Variants in GALNTL6 observed in about 807,000 individuals in gnomAD.
GALNTL6 encodes polypeptide N-acetylgalactosaminyltransferase like 6, also known as polypeptide N-acetylgalactosaminyltransferase-like 6.
In GALNTL6, 46 loss-of-function variants were observed where a neutral mutation model predicts 73.7. That is an observed-to-expected ratio of 0.62 (90% CI 0.49 to 0.80). GALNTL6 has a LOEUF of 0.80. Ranked by LOEUF, GALNTL6 falls within the 30% of genes least tolerant of loss-of-function variation. The pLI is 0.00. For missense variants in GALNTL6, 604 were observed against 755.0 expected, an observed-to-expected ratio of 0.80 and a Z score of 2.34; for synonymous variants, 259 against 263.7, an observed-to-expected ratio of 0.98 and a Z score of 0.17.
At chr4:172,289,678 T>C (rs780917944) in intron 3 of GALNTL6, among the ~76,000 whole-genome samples, 6 of 152,192 alleles carry the variant, frequency 3.9e-5, no homozygotes, top group Non-Finnish European at 8.8e-5. Context: ...ACTCTCAAAA[T>C]ATCCACTGCA....
chr4:172,721,935 A>C (rs1427312837), intron 5 of GALNTL6, among the ~76,000 whole-genome samples: 1 of 152,028 alleles, frequency 6.6e-6, no homozygotes, highest in Non-Finnish European at 1.5e-5. Context: ...TGCTAAATAG[A>C]AGAATTTTGT....
At chr4:172,604,158 G>A (rs1738172477) in intron 5 of GALNTL6, among the ~76,000 whole-genome samples, 1 of 152,158 alleles carries the variant, frequency 6.6e-6, no homozygotes, top group Non-Finnish European at 1.5e-5. Flanking sequence ...GATGAAAAGT[G>A]TGTAAACTGG....
intron 5 of GALNTL6, among the ~76,000 whole-genome samples, chr4:172,726,457 AGAGCTTGGCTGCC>A: frequency 6.6e-6 from 1 of 152,318 alleles, no homozygotes; most frequent in South Asian, 2.1e-4. Context: ...TCCTGCAAGG[AGAGCTTGGCTGCC>A]TTCAGCCAAG....
At chr4:172,399,958 C>G (rs192199074) in intron 5 of GALNTL6, among the ~76,000 whole-genome samples, 1 of 152,144 alleles carries the variant, frequency 6.6e-6, no homozygotes, top group African/African-American at 2.4e-5. Context: ...TCTACTCCTA[C>G]GCCATTTGTT....
At chr4:172,990,224 C>G (rs780540364) in intron 10 of GALNTL6, among the ~76,000 whole-genome samples, 5 of 152,160 alleles carry the variant, frequency 3.3e-5, no homozygotes, top group Non-Finnish European at 7.3e-5. Flanking sequence ...GAAAGCAGAT[C>G]CTTATTGCAC....
In GALNTL6 at chr4:172,361,280, T is replaced by C. The variant is rs185418548; in HGVS notation, c.553+12591T>C. ...CTTACCAGTGTAGATCAAGAATGTG[T>C]CTTATTATTATTGAGTACTATGAAG... On this transcript the variant is annotated intron_variant, in intron 5 of 12. Coordinates refer to ENST00000506823, the MANE Select transcript of GALNTL6 (RefSeq NM_001034845.3). 6.4e-3 allele frequency among the ~76,000 whole-genome samples: 809 copies of C among 126,262 alleles called. 4 individuals carry two copies. The highest frequency in any genetic ancestry group is 0.01 in the Non-Finnish European group (589 of 58,710). The allele number at this position is 126,262 out of a possible 152,430, so 82.8% of individuals were successfully genotyped here.
At chr4:171,843,507 A>T (rs1242877338) in intron 2 of GALNTL6, among the ~76,000 whole-genome samples, 2 of 152,048 alleles carry the variant, frequency 1.3e-5, no homozygotes, top group African/African-American at 4.8e-5. Context: ...ATTCTTGTTT[A>T]TTTAGATTCT....
Position 172,543,099 on chromosome 4 carries a change from A to AC in GALNTL6, c.553+194410_553+194411insC, listed in dbSNP as rs1256604131. Among the ~76,000 whole-genome samples, 5 of 16,890 alleles carry AC rather than the reference A, an allele frequency of 3.0e-4. No individual in the cohort carries two copies. The Non-Finnish European group carries it at 0.013, about 44-fold the overall frequency. The allele number at this position is 16,890 out of a possible 152,430, so 11.1% of individuals were successfully genotyped here. A position where few individuals can be genotyped will look rare whatever the true frequency, so the allele number is the denominator to read the frequency against. ...TGACAGAGCGAGACTCCATCGCAAA[A>AC]GAAAAGGAACAGCTGTGCTATATAA... is the stretch of plus-strand genomic sequence containing the variant. On this transcript the variant is annotated intron_variant, in intron 5 of 12. Coordinates refer to ENST00000506823, the MANE Select transcript of GALNTL6 (RefSeq NM_001034845.3).
Position 172,963,430 on chromosome 4 carries a change from A to T in GALNTL6, c.1371+11172A>T, listed in dbSNP as rs76639393. On this transcript the variant is annotated intron_variant, in intron 10 of 12. Transcript: ENST00000506823. ...AAGCCATGTAATTTATTTTTTTATC[A>T]TGTTTCTCATCTATCTCTCCCACTA... Among the ~76,000 whole-genome samples, 639 of 152,230 alleles carry T rather than the reference A, an allele frequency of 4.2e-3. 13 individuals carry two copies. The highest frequency in any genetic ancestry group is 0.033 in the East Asian group (169 of 5,182).
chr4:172,232,935 G>A (rs993021203), intron 3 of GALNTL6, among the ~76,000 whole-genome samples: 21 of 151,978 alleles, frequency 1.4e-4, no homozygotes, highest in African/African-American at 3.4e-4. Flanking sequence ...TGACAAGCAC[G>A]TATCCTACAT....
At chr4:172,330,202 A>C (rs571739510) in intron 4 of GALNTL6, among the ~76,000 whole-genome samples, 1 of 152,294 alleles carries the variant, frequency 6.6e-6, no homozygotes, top group East Asian at 1.9e-4. Context: ...AGAAGCCCAG[A>C]GCTGGGAGCT....
chr4:172,058,113 G>GTTGTTTTGTTGTGTT (rs1553988695), intron 2 of GALNTL6, among the ~76,000 whole-genome samples: 20 of 146,380 alleles, frequency 1.4e-4, no homozygotes, highest in South Asian at 6.7e-4. Context: ...GGCTGAAGTG[G>GTTGTTTTGTTGTGTT]TTGTTTTGTT....
In GALNTL6 at chr4:171,853,012, A is replaced by ATTTTTT. The variant is rs765984611; in HGVS notation, c.138+38313_138+38318dup. 1.7e-3 allele frequency among the ~76,000 whole-genome samples: 147 copies of ATTTTTT among 86,826 alleles called. 2 individuals carry two copies. Among genetic ancestry groups the ATTTTTT allele is most frequent in the African/African-American group, 3.5e-3 (76 of 21,472 alleles). The allele number at this position is 86,826 out of a possible 152,430, so 57.0% of individuals were successfully genotyped here. ...CAGGCGCCGCCACCACGCCCGGCTA[A>ATTTTTT]TTTTTTTTTTTTTTTTTTTTTTTTG... On this transcript the variant is annotated intron_variant, in intron 2 of 12. Transcript: ENST00000506823.
chr4:171,879,581 T>A (rs993562067), intron 2 of GALNTL6, among the ~76,000 whole-genome samples: 2 of 152,176 alleles, frequency 1.3e-5, no homozygotes, highest in African/African-American at 4.8e-5. Context: ...AGACAATTCA[T>A]CAGTTTGTTC....
intron 7 of GALNTL6, among the ~76,000 whole-genome samples, chr4:172,831,735 C>T (rs1454560564): frequency 6.6e-6 from 1 of 152,122 alleles, no homozygotes; most frequent in East Asian, 1.9e-4. Context: ...TGGGATTTGG[C>T]GTCAGAGCCT....
At chr4:172,097,291 T>C (rs1456392553) in intron 2 of GALNTL6, among the ~76,000 whole-genome samples, 1 of 152,208 alleles carries the variant, frequency 6.6e-6, no homozygotes, top group African/African-American at 2.4e-5. Flanking sequence ...ATCCACGAAG[T>C]GCTATCTCTC....
At chr4:172,849,806 A>C (rs1743717696) in intron 7 of GALNTL6, among the ~76,000 whole-genome samples, 1 of 152,212 alleles carries the variant, frequency 6.6e-6, no homozygotes, top group Non-Finnish European at 1.5e-5. Context: ...TCGTGCTGAC[A>C]AGGAATCATT....
rs4515138 is a variant in GALNTL6 at position 172,813,875 on chromosome 4, A to G, written c.923+152A>G. The G allele has an allele frequency of 1.1e-4, 59 of 554,980 alleles. No individual in the cohort carries two copies. The Admixed American group carries it at 1.7e-3, about 16-fold the overall frequency. The allele number at this position is 554,980 out of a possible 1,614,324, so 34.4% of individuals were successfully genotyped here. ...AACATCACAGAAAGGTCAGACCTAC[A>G]CCCTGTAGAAAATTACAAGCTGTAT... On this transcript the variant is annotated intron_variant, in intron 7 of 12. Transcript: ENST00000506823.
At chr4:172,621,325 G>C (rs1283912002) in intron 5 of GALNTL6, among the ~76,000 whole-genome samples, 3 of 152,150 alleles carry the variant, frequency 2.0e-5, no homozygotes, top group African/African-American at 7.2e-5. Flanking sequence ...AAAGCACTGG[G>C]ATTACAGGCA....
Sources: allele counts gnomAD v4.1 joint callset (sites outside exome capture counted in the v4.1 genomes callset), GRCh38; gene constraint gnomAD v4.1.1; transcripts MANE v1.5; gene names NCBI Gene and HGNC (gene_info 2026-07-23, HGNC 2026-07-21).